TXNDC16: variants seen among roughly 807,000 people sequenced by gnomAD.
The protein encoded by TXNDC16 is thioredoxin domain containing 16.
In TXNDC16, 74 loss-of-function variants were observed where a neutral mutation model predicts 85.6. The observed-to-expected ratio is 0.86, with a 90% CI of 0.72 to 1.05. TXNDC16 has a LOEUF of 1.05. TXNDC16 is among the 50% of genes least tolerant of loss of function. The pLI, the probability that TXNDC16 is intolerant of heterozygous loss-of-function variation, is 0.00. For synonymous variants in TXNDC16, 335 were observed against 326.5 expected, an observed-to-expected ratio of 1.03 and a Z score of -0.28; for missense variants, 959 against 947.0, an observed-to-expected ratio of 1.01 and a Z score of -0.17.
At chr14:52,464,701 G>A (rs998469396) in intron 16 of TXNDC16, among the ~76,000 whole-genome samples, 1 of 152,126 alleles carries the variant, frequency 6.6e-6, no homozygotes, top group Non-Finnish European at 1.5e-5. Flanking sequence ...GGAGGCTCAG[G>A]TGGGCAGATC....
At chr14:52,490,342 C>T in intron 11 of TXNDC16, 49 bp downstream of exon 11, 3 of 1,326,270 alleles carry the variant, frequency 2.3e-6, no homozygotes, top group Non-Finnish European at 3.1e-6. Flanking sequence ...CATATATTAG[C>T]TTTCTTTAAA....
intron 6 of TXNDC16, among the ~76,000 whole-genome samples, chr14:52,529,706 TATA>T (rs1381229533): frequency 6.0e-5 from 7 of 117,192 alleles, no homozygotes; most frequent in Non-Finnish European, 4.8e-5. Flanking sequence ...ATATAATATA[TATA>T]ATGCCTATTA....
intron 15 of TXNDC16, 130 bp from the exon 16 acceptor site, chr14:52,470,303 A>C (rs895865622): frequency 1.2e-5 from 11 of 921,562 alleles, no homozygotes; most frequent in Non-Finnish European, 1.5e-5. Flanking sequence ...AGAAAATTAA[A>C]TATTATTCTT....
intron 10 of TXNDC16, 80 bp downstream of exon 10, chr14:52,490,759 G>T: frequency 6.9e-7 from 1 of 1,454,450 alleles, no homozygotes; most frequent in Non-Finnish European, 9.4e-7. Flanking sequence ...TTACTTATAA[G>T]TGATTAAATT....
At chr14:52,548,949 C>G (rs1193865800) in intron 1 of TXNDC16, among the ~76,000 whole-genome samples, 1 of 152,068 alleles carries the variant, frequency 6.6e-6, no homozygotes, top group Non-Finnish European at 1.5e-5. Context: ...ACAGTATAAC[C>G]CAGTCTAGCA....
intron 12 of TXNDC16, among the ~76,000 whole-genome samples, chr14:52,487,960 G>A (rs1035310582): frequency 2.6e-5 from 4 of 152,090 alleles, no homozygotes; most frequent in Non-Finnish European, 5.9e-5. Context: ...TTAACAACTG[G>A]ATTTATTTAC....
intron 14 of TXNDC16, among the ~76,000 whole-genome samples, chr14:52,479,891 T>C (rs2036106546): frequency 6.6e-6 from 1 of 152,096 alleles, no homozygotes; most frequent in African/African-American, 2.4e-5. Flanking sequence ...AGAACACATC[T>C]GGAGGCATCA....
intron 14 of TXNDC16, among the ~76,000 whole-genome samples, chr14:52,477,759 G>C (rs576871625): frequency 2.0e-5 from 3 of 152,228 alleles, no homozygotes; most frequent in Non-Finnish European, 4.4e-5. Flanking sequence ...GACAGCACTA[G>C]ACAGGTCATC....
In TXNDC16 at chr14:52,544,323, AT is replaced by A. The variant is rs1402339701; in HGVS notation, c.-134del. ...TTATTTTCTATTTTGCTACTTTCAA[AT>A]TTTTCTTGAACAACTTCAAGAAGTT... On this transcript the variant is annotated 5_prime_UTR_variant, in exon 2 of 21. Transcript: ENST00000281741. The A allele has an allele frequency of 6.6e-6, 1 of 151,864 alleles. No individual in the cohort carries two copies. The highest frequency in any genetic ancestry group is 1.5e-5 in the Non-Finnish European group (1 of 67,900). 9.4% of individuals were successfully genotyped at this position (151,864 alleles called of 1,614,324 possible).
At chr14:52,507,555 A>G (rs1264234532) in intron 9 of TXNDC16, among the ~76,000 whole-genome samples, 2 of 152,216 alleles carry the variant, frequency 1.3e-5, no homozygotes, top group East Asian at 1.9e-4. Flanking sequence ...ACAGAATTGG[A>G]AAAAACTACT....
At chr14:52,475,176 T>C (rs559343598) in intron 14 of TXNDC16, among the ~76,000 whole-genome samples, 266 of 152,266 alleles carry the variant, frequency 1.7e-3, no homozygotes, top group South Asian at 1.9e-3. Context: ...GTGGACTAGC[T>C]GGGTCCCCTA....
At chr14:52,523,945 G>A (rs574896018) in intron 6 of TXNDC16, among the ~76,000 whole-genome samples, 1 of 152,276 alleles carries the variant, frequency 6.6e-6, no homozygotes, top group Admixed American at 6.5e-5. Flanking sequence ...TTTGCAGTTT[G>A]GAGATAAAAC....
chr14:52,517,187 G>A (rs2037103335), intron 7 of TXNDC16, among the ~76,000 whole-genome samples: 1 of 151,912 alleles, frequency 6.6e-6, no homozygotes, highest in Non-Finnish European at 1.5e-5. Context: ...CTCTAATTAA[G>A]CTTAAATTCC....
At chr14:52,495,629 T>G (rs762816340) in intron 9 of TXNDC16, among the ~76,000 whole-genome samples, 5 of 152,070 alleles carry the variant, frequency 3.3e-5, no homozygotes, top group African/African-American at 4.8e-5. Context: ...GAACCTCTTT[T>G]GCATGTGGGA....
At chr14:52,434,015 C>CA (rs2034968045) in intron 20 of TXNDC16, among the ~76,000 whole-genome samples, 1 of 151,834 alleles carries the variant, frequency 6.6e-6, no homozygotes, top group South Asian at 2.1e-4. Context: ...CCCTTCTCTA[C>CA]AAAAAATCAA....
chr14:52,519,046 T>C (rs7151107), intron 7 of TXNDC16, 126 bp downstream of exon 7: 90,748 of 980,532 alleles, frequency 0.093, 4,630 homozygotes, highest in East Asian at 0.14. Flanking sequence ...AATAGCTTAA[T>C]AGTAAAGATG....
At chr14:52,495,608 G>A (rs2036512790) in intron 9 of TXNDC16, among the ~76,000 whole-genome samples, 1 of 152,144 alleles carries the variant, frequency 6.6e-6, no homozygotes, top group African/African-American at 2.4e-5. Context: ...GTGAGTCTTG[G>A]AGAAAGGAGT....
chr14:52,489,825 G>C (rs1306134340), intron 11 of TXNDC16, among the ~76,000 whole-genome samples: 1 of 152,004 alleles, frequency 6.6e-6, no homozygotes. Flanking sequence ...GCTATGGTTT[G>C]AATTCTGTTT....
At chr14:52,532,663 C>T (rs2140217060) in intron 6 of TXNDC16, among the ~76,000 whole-genome samples, 1 of 152,174 alleles carries the variant, frequency 6.6e-6, no homozygotes, top group East Asian at 1.9e-4. Context: ...GTCTCAATCT[C>T]CTGACCTCGT....
Sources: gnomAD v4.1 joint callset for allele counts (sites outside exome capture counted in the v4.1 genomes callset) on GRCh38, gnomAD v4.1.1 for gene constraint, MANE v1.5 for transcripts, NCBI Gene and HGNC (gene_info 2026-07-23, HGNC 2026-07-21) for gene names.